Variants in SH3RF3 observed in about 807,000 individuals in gnomAD.
SH3RF3 encodes the protein E3 ubiquitin-protein ligase SH3RF3.
A neutral mutation model predicts 66.3 loss-of-function variants in SH3RF3; 29 were observed. The ratio of observed to expected loss-of-function variants is 0.44; its 90% confidence interval spans 0.33 to 0.60. SH3RF3 has a LOEUF of 0.60. SH3RF3 is among the 20% of genes least tolerant of loss of function. SH3RF3 has a pLI of 0.04. For missense variants in SH3RF3, 1,194 were observed against 1,190.9 expected (o/e 1.00, Z -0.04); for synonymous variants, 583 against 532.0 (o/e 1.10, Z -1.32).
chr2:109,246,368 G>A (rs552984396), intron 1 of SH3RF3, among the ~76,000 whole-genome samples: 80 of 152,248 alleles, frequency 5.3e-4, no homozygotes, highest in African/African-American at 1.9e-3. Context: ...AGGGGGCAAG[G>A]CAACTCTCCG....
At chr2:109,496,232 C>T (rs546157918) in intron 9 of SH3RF3, among the ~76,000 whole-genome samples, 10 of 152,250 alleles carry the variant, frequency 6.6e-5, no homozygotes, top group South Asian at 4.1e-4. Flanking sequence ...CTGATTGGCG[C>T]GTTTTACAGA....
intron 1 of SH3RF3, among the ~76,000 whole-genome samples, chr2:109,278,845 A>G (rs923106257): frequency 6.6e-6 from 1 of 152,220 alleles, no homozygotes; most frequent in Non-Finnish European, 1.5e-5. Context: ...GGCTAAGCCC[A>G]GGGTCAAGTG....
chr2:109,425,717 A>G (rs912422037), intron 5 of SH3RF3, among the ~76,000 whole-genome samples: 1 of 151,814 alleles, frequency 6.6e-6, no homozygotes, highest in Non-Finnish European at 1.5e-5. Flanking sequence ...GATTCCTTTT[A>G]AAATATTACT....
intron 8 of SH3RF3, among the ~76,000 whole-genome samples, chr2:109,486,999 G>A (rs1446493887): frequency 6.6e-6 from 1 of 152,168 alleles, no homozygotes; most frequent in Non-Finnish European, 1.5e-5. Flanking sequence ...GGAATGGAAA[G>A]TGATCCCCCC....
chr2:109,203,260 C>T (rs1245526734), intron 1 of SH3RF3, among the ~76,000 whole-genome samples: 1 of 152,212 alleles, frequency 6.6e-6, no homozygotes. Context: ...CAGGATGAGG[C>T]AGGCTGTGTG....
At chr2:109,290,883 A>G (rs1681151659) in intron 1 of SH3RF3, among the ~76,000 whole-genome samples, 1 of 152,224 alleles carries the variant, frequency 6.6e-6, no homozygotes, top group Non-Finnish European at 1.5e-5. Context: ...CTTCATGTAT[A>G]TATTCTCTTC....
chr2:109,290,590 C>G (rs1326121191), intron 1 of SH3RF3, among the ~76,000 whole-genome samples: 1 of 152,240 alleles, frequency 6.6e-6, no homozygotes, highest in Non-Finnish European at 1.5e-5. Context: ...TTTTCTAGAT[C>G]AATGCAAGTC....
At chr2:109,324,768 A>G (rs183453280) in intron 1 of SH3RF3, among the ~76,000 whole-genome samples, 5 of 152,282 alleles carry the variant, frequency 3.3e-5, no homozygotes, top group Admixed American at 2.6e-4. Context: ...GAGAGCATGA[A>G]TGTCCAGACG....
chr2:109,208,973 G>A (rs1049863861), intron 1 of SH3RF3, among the ~76,000 whole-genome samples: 1 of 151,806 alleles, frequency 6.6e-6, no homozygotes, highest in Non-Finnish European at 1.5e-5. Flanking sequence ...GGGCAGGTGG[G>A]GTTCATGTTC....
At chr2:109,383,153 G>A (rs1675740729) in intron 3 of SH3RF3, among the ~76,000 whole-genome samples, 1 of 152,276 alleles carries the variant, frequency 6.6e-6, no homozygotes, top group Non-Finnish European at 1.5e-5. Context: ...TTTCAGGCAT[G>A]GAAGTGAAAG....
At chr2:109,392,104 C>T (rs115905197) in intron 3 of SH3RF3, among the ~76,000 whole-genome samples, 2,186 of 152,342 alleles carry the variant, frequency 0.014, 61 homozygotes, top group African/African-American at 0.046. Context: ...ACATGAGCCA[C>T]TGTGCCTAGC....
chr2:109,171,923 G>C (rs1163132296), intron 1 of SH3RF3, among the ~76,000 whole-genome samples: 1 of 152,256 alleles, frequency 6.6e-6, no homozygotes, highest in East Asian at 1.9e-4. Flanking sequence ...CATGTGCCGA[G>C]CCCAGCCTTG....
At chr2:109,487,134 T>C (rs537609649) in intron 8 of SH3RF3, among the ~76,000 whole-genome samples, 1 of 152,310 alleles carries the variant, frequency 6.6e-6, no homozygotes, top group African/African-American at 2.4e-5. Context: ...TCCTGAACAT[T>C]GCTTGCTTAC....
Position 109,490,791 on chromosome 2 carries a change from G to A in SH3RF3, c.2335G>A (p.Glu779Lys), listed in dbSNP as rs1679108949. The change falls in exon 9 of 10, where the codon GAG (glutamate) becomes AAG (lysine). Residue 779 changes from glutamate (E) to lysine (K), a missense_variant. Transcript: ENST00000309415. ...CGGCAGGGCAGGGTCCTGCCCCATA[G>A]AGAGCGAGATGCAGGGTGCCATGGG... ...IHGRAGSCPI[E>K]SEMQGAMGME... 1 of 1,536,882 alleles carries A rather than the reference G, an allele frequency of 6.5e-7. No individual in the cohort carries two copies. Among genetic ancestry groups the A allele is most frequent in the Admixed American group, 2.0e-5 (1 of 50,968 alleles).
At chr2:109,281,208 G>A (rs1680885332) in intron 1 of SH3RF3, among the ~76,000 whole-genome samples, 1 of 152,254 alleles carries the variant, frequency 6.6e-6, no homozygotes, top group African/African-American at 2.4e-5. Flanking sequence ...TGCGACCCCA[G>A]CTTCTGCCCT....
Position 109,129,389 on chromosome 2 carries a change from C to G in SH3RF3, c.-152C>G. The G allele has an allele frequency of 1.5e-6, 2 of 1,331,282 alleles. No individual in the cohort carries two copies. Among genetic ancestry groups the G allele is most frequent in the Non-Finnish European group, 2.0e-6 (2 of 983,068 alleles). The allele number at this position is 1,331,282 out of a possible 1,614,324, so 82.5% of individuals were successfully genotyped here. On this transcript the variant is annotated 5_prime_UTR_variant, in exon 1 of 10. Transcript: ENST00000309415. ...AGGCCGGTCGGTGAGCCACTTCGCACCGCCACAGCCCTAGCATCGGGCCAC... is the reference window on the plus strand; with the variant it reads ...AGGCCGGTCGGTGAGCCACTTCGCAGCGCCACAGCCCTAGCATCGGGCCAC...
At chr2:109,147,759 A>C (rs974234397) in intron 1 of SH3RF3, among the ~76,000 whole-genome samples, 8 of 152,232 alleles carry the variant, frequency 5.3e-5, no homozygotes, top group African/African-American at 1.9e-4. Context: ...TTACGAAGTT[A>C]ACAAGCAGTT....
chr2:109,134,806 G>A (rs1446986305), intron 1 of SH3RF3, among the ~76,000 whole-genome samples: 1 of 152,206 alleles, frequency 6.6e-6, no homozygotes, highest in Non-Finnish European at 1.5e-5. Context: ...CACGGCTGCA[G>A]ATGCTCTTCT....
chr2:109,202,608 T>C (rs956905318), intron 1 of SH3RF3, among the ~76,000 whole-genome samples: 1 of 152,146 alleles, frequency 6.6e-6, no homozygotes, highest in African/African-American at 2.4e-5. Flanking sequence ...TTTCAGAGCA[T>C]AGAGGGTGAG....
Sources: gnomAD v4.1 joint callset for allele counts (sites outside exome capture counted in the v4.1 genomes callset) on GRCh38, gnomAD v4.1.1 for gene constraint, MANE v1.5 for transcripts, NCBI Gene and HGNC (gene_info 2026-07-23, HGNC 2026-07-21) for gene names.